The following EHBP1 variants were observed in gnomAD, a reference collection of about 807,000 sequenced individuals.
The protein encoded by EHBP1 is EH domain binding protein 1.
A neutral mutation model predicts 144.0 loss-of-function variants in EHBP1; 55 were observed. The observed-to-expected ratio is 0.38, with a 90% CI of 0.31 to 0.48. The LOEUF (loss-of-function observed/expected upper bound fraction) is 0.48. Among genes scored for constraint, EHBP1 ranks in the 20% least tolerant of loss-of-function variants. The pLI is 0.98. For synonymous variants in EHBP1, 469 were observed against 472.7 expected, an observed-to-expected ratio of 0.99 and a Z score of 0.10; for missense variants, 1,200 against 1,364.2, an observed-to-expected ratio of 0.88 and a Z score of 1.90.
chr2:62,768,100 C>T (rs2041342792), intron 4 of EHBP1, among the ~76,000 whole-genome samples: 1 of 152,078 alleles, frequency 6.6e-6, no homozygotes, highest in Non-Finnish European at 1.5e-5. Context: ...AACCTAACAT[C>T]ACAACTGAAA....
chr2:62,879,889 A>G lies in EHBP1; in HGVS notation c.1185+5357A>G, dbSNP rs140030277. 6.9e-3 allele frequency among the ~76,000 whole-genome samples: 1,058 copies of G among 152,246 alleles called. 10 individuals carry two copies. The highest frequency in any genetic ancestry group is 0.017 in the Middle Eastern group (5 of 294). Reference sequence around the variant, plus strand: ...AAATTCATATGGAAAAACAACAACAACAACAAATAGCCTGGATAGCCAATG... The same window carrying G: ...AAATTCATATGGAAAAACAACAACAGCAACAAATAGCCTGGATAGCCAATG... On this transcript the variant is annotated intron_variant, in intron 10 of 22. Transcript: ENST00000431489.
chr2:62,961,577 A>C (rs1351752978), intron 14 of EHBP1, among the ~76,000 whole-genome samples: 8 of 152,092 alleles, frequency 5.3e-5, no homozygotes, highest in Non-Finnish European at 1.0e-4. Flanking sequence ...ACAACTCAGG[A>C]GTTTGGTAGC....
chr2:62,950,986 G>A (rs905665707), intron 13 of EHBP1, among the ~76,000 whole-genome samples: 3 of 151,932 alleles, frequency 2.0e-5, no homozygotes, highest in Admixed American at 1.3e-4. Flanking sequence ...CGCCCGGCCC[G>A]AACCTCTGAA....
chr2:62,958,349 T>A (rs1447863750), intron 14 of EHBP1, among the ~76,000 whole-genome samples: 1 of 152,204 alleles, frequency 6.6e-6, no homozygotes, highest in Non-Finnish European at 1.5e-5. Context: ...AAACACATCC[T>A]GATATAGCCA....
At chr2:62,892,636 T>G (rs2152919192) in intron 10 of EHBP1, among the ~76,000 whole-genome samples, 1 of 152,232 alleles carries the variant, frequency 6.6e-6, no homozygotes, top group Non-Finnish European at 1.5e-5. Context: ...GTAGCAAAAC[T>G]TTACCTTATA....
At chr2:62,903,425 AAAAT>A (rs1390804859) in intron 10 of EHBP1, among the ~76,000 whole-genome samples, 2 of 152,184 alleles carry the variant, frequency 1.3e-5, no homozygotes, top group African/African-American at 4.8e-5. Flanking sequence ...TGAGTGATTA[AAAAT>A]AAATAATTAA....
At chr2:62,761,115 A>G (rs1353992810) in intron 3 of EHBP1, among the ~76,000 whole-genome samples, 1 of 152,122 alleles carries the variant, frequency 6.6e-6, no homozygotes, top group Non-Finnish European at 1.5e-5. Context: ...TGGAGTTTTA[A>G]TTGAGTATTA....
In EHBP1 at chr2:62,779,242, T is replaced by C. The variant is rs192761776; in HGVS notation, c.312+7850T>C. ...GTGGCCCAGTTAACTTACTTGAACC[T>C]AATCAAATTTCCACTAGGCAGCATA... On this transcript the variant is annotated intron_variant, in intron 5 of 22. Coordinates refer to ENST00000431489, the MANE Select transcript of EHBP1 (RefSeq NM_001142616.3). 1.1e-4 allele frequency among the ~76,000 whole-genome samples: 16 copies of C among 152,338 alleles called. No individual in the cohort carries two copies. In the East Asian group the frequency reaches 2.1e-3, roughly 20 times the overall value.
chr2:62,723,676 A>G (rs2036457608), intron 2 of EHBP1, among the ~76,000 whole-genome samples: 1 of 152,172 alleles, frequency 6.6e-6, no homozygotes, highest in Admixed American at 6.5e-5. Flanking sequence ...AGATCTGGTG[A>G]TAATTAATTT....
At chr2:62,720,219 T>C (rs2036093317) in intron 2 of EHBP1, among the ~76,000 whole-genome samples, 1 of 152,044 alleles carries the variant, frequency 6.6e-6, no homozygotes. Flanking sequence ...CTGAAAAAAA[T>C]TACACATTAA....
intron 19 of EHBP1, 142 bp from the exon 20 acceptor site, chr2:63,037,393 G>T (rs2061484355): frequency 1.8e-6 from 1 of 558,876 alleles, no homozygotes. Flanking sequence ...TCAGGACTTA[G>T]ACTTTAACCT....
intron 5 of EHBP1, among the ~76,000 whole-genome samples, chr2:62,781,029 A>G (rs2042386774): frequency 6.6e-6 from 1 of 152,188 alleles, no homozygotes; most frequent in Non-Finnish European, 1.5e-5. Context: ...GTATTTAATA[A>G]ATAGATATCA....
chr2:62,747,368 A>T, intron 2 of EHBP1, 27 bp from the exon 3 acceptor site: 1 of 1,598,894 alleles, frequency 6.3e-7, no homozygotes, highest in Middle Eastern at 1.9e-4. Flanking sequence ...AAGATAAATT[A>T]TGTTTAACTT....
intron 19 of EHBP1, among the ~76,000 whole-genome samples, chr2:63,003,085 CTT>C (rs960232408): frequency 6.6e-6 from 1 of 151,952 alleles, no homozygotes; most frequent in African/African-American, 2.4e-5. Context: ...TATACCTAGA[CTT>C]ATAAGTTTGG....
intron 7 of EHBP1, chr2:62,858,480 C>T (rs778667740): frequency 1.6e-5 from 25 of 1,611,082 alleles, no homozygotes; most frequent in East Asian, 4.5e-5. Context: ...AGCAAATATG[C>T]GTTCAGCTAA....
rs141214088 is a variant in EHBP1, at chr2:62,951,918, G to A, written c.2316+2756G>A. Among the ~76,000 whole-genome samples the A allele has an allele frequency of 4.1e-4, 62 of 152,206 alleles. 2 individuals are homozygous for A. Among genetic ancestry groups the A allele is most frequent in the African/African-American group, 1.4e-3 (60 of 41,522 alleles). On this transcript the variant is annotated intron_variant, in intron 13 of 22. Coordinates refer to ENST00000431489, the MANE Select transcript of EHBP1 (RefSeq NM_001142616.3). ...TAAAATTTTAAAATACCCTGGACTG[G>A]GAATCAGTAAGCCTGGAATCTCGTT...
chr2:62,926,058 T>A (rs550644401), intron 10 of EHBP1, among the ~76,000 whole-genome samples: 2 of 152,186 alleles, frequency 1.3e-5, no homozygotes, highest in East Asian at 1.9e-4. Flanking sequence ...AGCAGACACA[T>A]AGACCAATGA....
At chr2:62,926,027 A>C (rs2055478546) in intron 10 of EHBP1, among the ~76,000 whole-genome samples, 1 of 152,202 alleles carries the variant, frequency 6.6e-6, no homozygotes, top group Non-Finnish European at 1.5e-5. Flanking sequence ...TCTTACCAAA[A>C]CAGCATGGTA....
At chr2:62,929,366 A>G (rs2055795718) in intron 10 of EHBP1, among the ~76,000 whole-genome samples, 1 of 152,238 alleles carries the variant, frequency 6.6e-6, no homozygotes, top group African/African-American at 2.4e-5. Flanking sequence ...ACATATTAAA[A>G]GAATTACATA....
Sources: gnomAD v4.1 joint callset for allele counts (sites outside exome capture counted in the v4.1 genomes callset) on GRCh38, gnomAD v4.1.1 for gene constraint, MANE v1.5 for transcripts, NCBI Gene and HGNC (gene_info 2026-07-23, HGNC 2026-07-21) for gene names.